The following CRYBB3 variants were observed in gnomAD, a reference collection of about 807,000 sequenced individuals.
CRYBB3 encodes crystallin beta B3.
A neutral mutation model predicts 28.3 loss-of-function variants in CRYBB3; 35 were observed. That is an observed-to-expected ratio of 1.24 (90% confidence interval 0.95 to 1.64). The LOEUF (loss-of-function observed/expected upper bound fraction) is 1.64. Among genes scored for constraint, CRYBB3 ranks in the 40% most tolerant of loss-of-function variants. The pLI is 0.00. For synonymous variants in CRYBB3, 106 were observed against 110.4 expected (o/e 0.96, Z 0.25); for missense variants, 296 against 297.4 (o/e 1.00, Z 0.04).
At position 25,202,696 on chromosome 22, in the gene CRYBB3, A is replaced by G. The variant is rs1178394004; in HGVS notation, c.98A>G (p.Asn33Ser). The change falls in exon 3 of 6, where the codon AAC becomes AGC. Residue 33 changes from asparagine to serine, a missense_variant. Physicochemically the swap from Asn to Ser is conservative, Grantham distance 46 (BLOSUM62 1). Transcript: ENST00000215855. ...SYKVILYELENFQGKRCELSA... is the reference protein window; with the variant it reads ...SYKVILYELESFQGKRCELSA... ...TAGGTGATCTTGTACGAACTAGAGAACTTCCAAGGCAAACGCTGCGAGCTC... is the reference window on the plus strand; with the variant it reads ...TAGGTGATCTTGTACGAACTAGAGAGCTTCCAAGGCAAACGCTGCGAGCTC... The G allele has an allele frequency of 1.9e-6, 3 of 1,613,904 alleles. No individual in the cohort carries two copies. Among genetic ancestry groups the G allele is most frequent in the Non-Finnish European group, 2.5e-6 (3 of 1,179,968 alleles).
intron 1 of CRYBB3, among the ~76,000 whole-genome samples, chr22:25,200,974 TC>T (rs1246058983): frequency 6.6e-6 from 1 of 152,176 alleles, no homozygotes; most frequent in Non-Finnish European, 1.5e-5. Flanking sequence ...TAGAGGAAAC[TC>T]CCTGAAGCCC....
At chr22:25,201,510 C>A (rs748121476) in intron 2 of CRYBB3, 39 bp downstream of exon 2, 2 of 1,607,364 alleles carry the variant, frequency 1.2e-6, no homozygotes, top group Non-Finnish European at 1.7e-6. Context: ...CCAGGCTACT[C>A]CTGGGCCTCA....
At chr22:25,200,417 G>A (rs1934924157) in intron 1 of CRYBB3, among the ~76,000 whole-genome samples, 1 of 152,018 alleles carries the variant, frequency 6.6e-6, no homozygotes. Context: ...CACTGTGGAT[G>A]TCTGAAATGG....
intron 2 of CRYBB3, among the ~76,000 whole-genome samples, chr22:25,202,329 T>C (rs1934961312): frequency 6.6e-6 from 1 of 152,152 alleles, no homozygotes; most frequent in South Asian, 2.1e-4. Flanking sequence ...AATACAGATT[T>C]CTGACCTCTC....
intron 1 of CRYBB3, among the ~76,000 whole-genome samples, chr22:25,200,741 C>T (rs1312356903): frequency 2.6e-5 from 4 of 152,078 alleles, no homozygotes; most frequent in South Asian, 2.1e-4. Flanking sequence ...AATGAGTAAC[C>T]GAACGCAGGG....
At position 25,202,796 on chromosome 22, in the gene CRYBB3, A is replaced by G. The variant is rs759210824; in HGVS notation, c.194+4A>G. ...CCATCCAAGTGGAGTCCGGGCCGTGAGTACCTAGACCCCCAGTCCCTCGCC... is the reference window on the plus strand; with the variant it reads ...CCATCCAAGTGGAGTCCGGGCCGTGGGTACCTAGACCCCCAGTCCCTCGCC... On this transcript the variant is annotated splice_donor_region_variant and intron_variant, in intron 3 of 5. Coordinates refer to ENST00000215855, the MANE Select transcript of CRYBB3 (RefSeq NM_004076.5). The G allele has an allele frequency of 4.3e-6, 7 of 1,613,614 alleles. No homozygotes were observed. In the East Asian group the frequency reaches 1.6e-4, roughly 36 times the overall value.
intron 2 of CRYBB3, among the ~76,000 whole-genome samples, chr22:25,201,807 G>A (rs1180931216): frequency 1.3e-5 from 2 of 152,176 alleles, no homozygotes; most frequent in Non-Finnish European, 2.9e-5. Flanking sequence ...CTGGGGAAAA[G>A]GGCACAGGGT....
chr22:25,206,441 G>C (rs1041523572), intron 5 of CRYBB3, among the ~76,000 whole-genome samples: 3 of 152,178 alleles, frequency 2.0e-5, no homozygotes, highest in African/African-American at 7.2e-5. Context: ...TACTCAAGAG[G>C]CTGAGGCAGG....
At chr22:25,205,447 T>G in intron 5 of CRYBB3, 85 bp downstream of exon 5, 1 of 1,409,006 alleles carries the variant, frequency 7.1e-7, no homozygotes, top group African/African-American at 1.5e-5. Flanking sequence ...CATAGTTTCT[T>G]ATTATTTTAT....
intron 5 of CRYBB3, 135 bp from the exon 6 acceptor site, chr22:25,206,912 A>G: frequency 1.3e-6 from 1 of 768,056 alleles, no homozygotes; most frequent in South Asian, 1.4e-5. Context: ...AGCAGGGTAA[A>G]GAGTTTGGAT....
Position 25,201,468 on chromosome 22 carries a change from C to CA in CRYBB3, c.74dup (p.Val26GlyfsTer45). On this transcript the variant is annotated frameshift_variant, in exon 2 of 6. Transcript: ENST00000215855. LOFTEE classifies it high-confidence loss of function. ...GCCATGGAGACCTTGGGGGCAGCTA[C>CA]AAGGTACTGGGCAGGGAGGGGGTCA... is the stretch of plus-strand genomic sequence containing the variant. 6.2e-7 allele frequency: 1 copy of CA among 1,612,868 alleles called. No individual in the cohort carries two copies. Among genetic ancestry groups the CA allele is most frequent in the Non-Finnish European group, 8.5e-7 (1 of 1,179,356 alleles).
chr22:25,200,846 C>G (rs1312498970), intron 1 of CRYBB3, among the ~76,000 whole-genome samples: 2 of 152,324 alleles, frequency 1.3e-5, no homozygotes, highest in East Asian at 3.9e-4. Flanking sequence ...GGTCTCCTGT[C>G]CCTCCTGGTC....
intron 4 of CRYBB3, among the ~76,000 whole-genome samples, chr22:25,204,659 C>G (rs1934999787): frequency 6.6e-6 from 1 of 152,204 alleles, no homozygotes; most frequent in African/African-American, 2.4e-5. Flanking sequence ...CTCAAGTGAT[C>G]TGCCTGCCTC....
rs888318488 is a variant in CRYBB3 at position 25,202,700 on chromosome 22, C to T, written c.102C>T (p.Phe34=). ...TGATCTTGTACGAACTAGAGAACTT[C>T]CAAGGCAAACGCTGCGAGCTCTCGG... ...YKVILYELEN[F]QGKRCELSAE... is the part of the protein sequence containing the mutation. Residue 34 remains phenylalanine (F), a synonymous_variant, in exon 3 of 6, where the codon TTC becomes TTT. Coordinates refer to ENST00000215855, the MANE Select transcript of CRYBB3 (RefSeq NM_004076.5). 6.2e-7 allele frequency: 1 copy of T among 1,614,046 alleles called. No homozygotes were observed. Among genetic ancestry groups the T allele is most frequent in the Non-Finnish European group, 8.5e-7 (1 of 1,179,982 alleles).
intron 2 of CRYBB3, 50 bp downstream of exon 2, chr22:25,201,521 G>T: frequency 6.2e-7 from 1 of 1,602,500 alleles, no homozygotes; most frequent in South Asian, 1.1e-5. Context: ...CTGGGCCTCA[G>T]GGTCATCTTC....
chr22:25,205,516 G>A (rs1277215451), intron 5 of CRYBB3, among the ~76,000 whole-genome samples, 154 bp downstream of exon 5: 1 of 152,126 alleles, frequency 6.6e-6, no homozygotes, highest in Non-Finnish European at 1.5e-5. Flanking sequence ...CTGGAGTGCA[G>A]TGGCGCGATC....
intron 3 of CRYBB3, among the ~76,000 whole-genome samples, chr22:25,203,428 C>T (rs999713324): frequency 1.6e-4 from 25 of 152,230 alleles, no homozygotes; most frequent in African/African-American, 5.5e-4. Flanking sequence ...AATAACAATA[C>T]AATACAAAGA....
In CRYBB3 at chr22:25,201,339, C is replaced by T. The variant is rs532959032; in HGVS notation, c.-20-38C>T. ...AGTCACATCAACACCTGGCTTCTCC[C>T]GGGTGGATCCAGTGAACCATTTTCT... On this transcript the variant is annotated intron_variant, in intron 1 of 5. Transcript: ENST00000215855. 1.4e-4 allele frequency: 231 copies of T among 1,606,988 alleles called. 2 individuals are homozygous for T. The African/African-American group carries it at 2.0e-3, about 14-fold the overall frequency.
At chr22:25,200,342 C>T (rs2055151710) in intron 1 of CRYBB3, among the ~76,000 whole-genome samples, 1 of 151,938 alleles carries the variant, frequency 6.6e-6, no homozygotes, top group African/African-American at 2.4e-5. Flanking sequence ...GCTGGGGTGG[C>T]CGTGCTGGGA....
Sources: gnomAD v4.1 joint callset for allele counts (sites outside exome capture counted in the v4.1 genomes callset) on GRCh38, gnomAD v4.1.1 for gene constraint, MANE v1.5 for transcripts, NCBI Gene and HGNC (gene_info 2026-07-23, HGNC 2026-07-21) for gene names.